Variants in SLC44A2 observed in about 807,000 individuals in gnomAD.
The protein encoded by SLC44A2 is choline transporter-like protein 2.
Under a neutral mutation model 90.8 loss-of-function variants are expected in SLC44A2, and 57 were observed. The observed-to-expected ratio is 0.63, with a 90% CI of 0.51 to 0.78. The LOEUF is 0.78. Among genes scored for constraint, SLC44A2 ranks in the 30% least tolerant of loss-of-function variants. The pLI is 0.00. For synonymous variants in SLC44A2, 355 were observed against 360.7 expected, an observed-to-expected ratio of 0.98 and a Z score of 0.18; for missense variants, 794 against 919.7, an observed-to-expected ratio of 0.86 and a Z score of 1.77.
In SLC44A2 at chr19:10,625,670, G is replaced by C. The variant is rs201831788; in HGVS notation, c.37G>C (p.Gly13Arg). ...GCGGCCCCACTACTACGGGAAACAC[G>C]GTAGGCAGCGACCCCCGCCCGTAGC... ...DERPHYYGKH[G>R]TPQKYDPTFK... Residue 13 changes from glycine to arginine, a missense_variant and splice_region_variant, in exon 1 of 22, where the codon GGA (glycine) becomes CGA (arginine). By Grantham distance (125) the Gly-to-Arg change is moderately radical. This residue lies in a region of SLC44A2 where 738 missense variants were observed against 841.1 expected (regional missense o/e 0.88). Transcript: ENST00000335757. 7 of 1,250,208 alleles carry C rather than the reference G, an allele frequency of 5.6e-6. No homozygotes were observed. The highest frequency in any genetic ancestry group is 2.2e-4 in the Middle Eastern group (1 of 4,600). 77.4% of individuals were successfully genotyped at this position (1,250,208 alleles called of 1,614,324 possible). A position where few individuals can be genotyped will look rare whatever the true frequency, so the allele number is the denominator to read the frequency against.
At chr19:10,608,541 T>G (rs1918182514) in intron 1 of SLC44A2, among the ~76,000 whole-genome samples, 1 of 152,086 alleles carries the variant, frequency 6.6e-6, no homozygotes, top group Non-Finnish European at 1.5e-5. Flanking sequence ...GAACACCTTA[T>G]CTGGCCAGCA....
At chr19:10,623,658 CA>C (rs1226941631), upstream of SLC44A2, among the ~76,000 whole-genome samples, 1 of 151,416 alleles carries the variant, frequency 6.6e-6, no homozygotes, top group Non-Finnish European at 1.5e-5. Context: ...CTGGGTAACA[CA>C]GTGAGATCCT....
intron 20 of SLC44A2, 130 bp from the exon 21 acceptor site, chr19:10,642,237 G>T: frequency 1.4e-6 from 1 of 710,296 alleles, no homozygotes; most frequent in Non-Finnish European, 2.5e-6. Context: ...GTGAGGGGTT[G>T]GGATGTCACT....
At chr19:10,629,114 G>T (rs1323159669) in intron 4 of SLC44A2, among the ~76,000 whole-genome samples, 1 of 149,932 alleles carries the variant, frequency 6.7e-6, no homozygotes, top group African/African-American at 2.4e-5. Flanking sequence ...TGAGGCAGGA[G>T]AATTGCTTGA....
At chr19:10,635,372 C>G in intron 13 of SLC44A2, 59 bp from the exon 14 acceptor site, 1 of 1,607,962 alleles carries the variant, frequency 6.2e-7, no homozygotes, top group Non-Finnish European at 8.5e-7. Flanking sequence ...TGGATTCTTT[C>G]CCACAAAAGT....
intron 1 of SLC44A2, among the ~76,000 whole-genome samples, chr19:10,614,114 C>T (rs2066836355): frequency 6.6e-6 from 1 of 151,922 alleles, no homozygotes; most frequent in Non-Finnish European, 1.5e-5. Flanking sequence ...TACAGGTGCA[C>T]ACCACCACGC....
At chr19:10,641,064 G>A (rs1399072891) in intron 20 of SLC44A2, 1 of 426,396 alleles carries the variant, frequency 2.3e-6, no homozygotes, top group Non-Finnish European at 4.6e-6. Flanking sequence ...TCCAGCCTGG[G>A]TGACAGAGCA....
chr19:10,636,390 G>A lies in SLC44A2; in HGVS notation c.1301G>A (p.Gly434Asp). The change falls in exon 15 of 22, where the codon GGT (glycine) becomes GAT (aspartate). Residue 434 changes from glycine to aspartate, a missense_variant. Gly to Asp is a moderately conservative substitution (Grantham distance 94). Around this residue, in one of 3 missense-constraint regions of SLC44A2, gnomAD observed 738 missense variants for 841.1 expected, o/e 0.88. Transcript: ENST00000335757. ...NARCQFAFYG[G>D]ESGYHRALLG... ...CGTTGCCAGTTCGCCTTCTACGGTGGTGAGTCGGGCTACCACCGGGCCCTG... is the reference window on the plus strand; with the variant it reads ...CGTTGCCAGTTCGCCTTCTACGGTGATGAGTCGGGCTACCACCGGGCCCTG... 1 of 1,613,890 alleles carries A rather than the reference G, an allele frequency of 6.2e-7. No homozygotes were observed. The highest frequency in any genetic ancestry group is 1.7e-5 in the Admixed American group (1 of 59,954).
chr19:10,641,703 G>A (rs770482424), intron 20 of SLC44A2, among the ~76,000 whole-genome samples: 2 of 151,950 alleles, frequency 1.3e-5, no homozygotes, highest in Admixed American at 1.3e-4. Flanking sequence ...AAGGTTAGCC[G>A]GGCACAGTGG....
intron 19 of SLC44A2, 30 bp from the exon 20 acceptor site, chr19:10,638,197 T>A: frequency 6.2e-6 from 10 of 1,613,688 alleles, no homozygotes; most frequent in East Asian, 2.2e-5. Flanking sequence ...CCAGAACCCT[T>A]CGCCATCTTG....
chr19:10,630,672 A>AG (rs1269180896), intron 4 of SLC44A2, among the ~76,000 whole-genome samples: 16 of 149,924 alleles, frequency 1.1e-4, no homozygotes, highest in East Asian at 5.9e-4. Flanking sequence ...AAAAAAAAAA[A>AG]AGAGAAAAAT....
At chr19:10,620,146 A>C (rs998202912) in intron 1 of SLC44A2, among the ~76,000 whole-genome samples, 6 of 152,086 alleles carry the variant, frequency 3.9e-5, no homozygotes, top group Non-Finnish European at 8.8e-5. Flanking sequence ...ACCACACTCC[A>C]GACTGGGCAA....
At chr19:10,623,576 C>G (rs1008866503), upstream of SLC44A2, among the ~76,000 whole-genome samples, 1 of 151,972 alleles carries the variant, frequency 6.6e-6, no homozygotes, top group African/African-American at 2.4e-5. Flanking sequence ...CGTGGTGACT[C>G]GTGCCTGCAA....
chr19:10,635,709 T>C, intron 14 of SLC44A2, 194 bp downstream of exon 14: 1 of 539,128 alleles, frequency 1.9e-6, no homozygotes, highest in Non-Finnish European at 3.2e-6. Flanking sequence ...GCAAGCTGGC[T>C]TCCTCTCTTC....
chr19:10,617,815 T>C (rs188013027), intron 1 of SLC44A2, among the ~76,000 whole-genome samples: 30 of 152,324 alleles, frequency 2.0e-4, no homozygotes, highest in Admixed American at 6.5e-4. Context: ...TGCTCACCAC[T>C]GGCTGTCTCT....
At chr19:10,634,677 G>T in intron 10 of SLC44A2, 79 bp from the exon 11 acceptor site, 1 of 1,601,062 alleles carries the variant, frequency 6.2e-7, no homozygotes, top group Admixed American at 1.7e-5. Context: ...GTTTGCTTCT[G>T]TTAAATGGGG....
chr19:10,604,340 G>A (rs1485286921), intron 1 of SLC44A2, among the ~76,000 whole-genome samples: 1 of 152,198 alleles, frequency 6.6e-6, no homozygotes, highest in Non-Finnish European at 1.5e-5. Context: ...AACAAACCAC[G>A]TAGTTACTTA....
chr19:10,643,457 G>A lies in SLC44A2; in HGVS notation c.*72G>A. The A allele has an allele frequency of 6.6e-7, 1 of 1,526,360 alleles. No individual in the cohort carries two copies. Among genetic ancestry groups the A allele is most frequent in the Admixed American group, 2.0e-5 (1 of 50,194 alleles). The allele number at this position is 1,526,360 out of a possible 1,614,324, so 94.6% of individuals were successfully genotyped here. On this transcript the variant is annotated 3_prime_UTR_variant, in exon 22 of 22. Coordinates refer to ENST00000335757, the MANE Select transcript of SLC44A2 (RefSeq NM_020428.4). The stretch of plus-strand genomic sequence containing the variant: ...CTCAGTAGCTGGGTCTGTTCCCCCA[G>A]CCCCTTGGGCTCACCTGAAGTCCTA...
intron 20 of SLC44A2, 32 bp from the exon 21 acceptor site, chr19:10,642,333 ACG>A: frequency 6.3e-7 from 1 of 1,590,472 alleles, no homozygotes; most frequent in Non-Finnish European, 8.6e-7. Context: ...TGGGAAGGAC[ACG>A]GAGCAGGGAC....
Sources: allele counts gnomAD v4.1 joint callset (sites outside exome capture counted in the v4.1 genomes callset), GRCh38; gene constraint gnomAD v4.1.1; regional missense constraint gnomAD v4.1.1; transcripts MANE v1.5; gene names NCBI Gene and HGNC (gene_info 2026-07-23, HGNC 2026-07-21).